The following SLC38A4 variants were observed in gnomAD, a reference collection of about 807,000 sequenced individuals.
The protein encoded by SLC38A4 is solute carrier family 38 member 4, also known as sodium-coupled neutral amino acid transporter 4.
Under a neutral mutation model 63.1 loss-of-function variants are expected in SLC38A4, and 20 were observed. The observed-to-expected ratio is 0.32, with a 90% confidence interval of 0.22 to 0.46. SLC38A4 has a LOEUF of 0.46. SLC38A4 is among the 20% of genes least tolerant of loss of function. The pLI is 1.00. For missense variants in SLC38A4, 526 were observed against 663.6 expected (o/e 0.79, Z 2.28); for synonymous variants, 230 against 225.5 (o/e 1.02, Z -0.18).
intron 1 of SLC38A4, among the ~76,000 whole-genome samples, chr12:46,807,896 C>A (rs1395251532): frequency 2.0e-5 from 3 of 150,230 alleles, no homozygotes; most frequent in Non-Finnish European, 4.4e-5. Flanking sequence ...GTTACCCCCC[C>A]CCCCAAAGCC....
At chr12:46,786,264 G>C (rs1276120883) in intron 5 of SLC38A4, among the ~76,000 whole-genome samples, 1 of 151,990 alleles carries the variant, frequency 6.6e-6, no homozygotes, top group Non-Finnish European at 1.5e-5. Context: ...ACTTTCTCTG[G>C]CAGAAAATAC....
chr12:46,809,954 T>G (rs1032594175), intron 1 of SLC38A4, among the ~76,000 whole-genome samples: 2 of 152,060 alleles, frequency 1.3e-5, no homozygotes, highest in African/African-American at 4.8e-5. Context: ...AATGAAAATC[T>G]TTATTTAAGG....
chr12:46,773,380 G>A (rs1035234783), intron 14 of SLC38A4, among the ~76,000 whole-genome samples: 14 of 152,046 alleles, frequency 9.2e-5, no homozygotes, highest in African/African-American at 3.4e-4. Flanking sequence ...CACTTACACA[G>A]ATTATATAAA....
chr12:46,821,945 G>A (rs1042717390), intron 1 of SLC38A4, among the ~76,000 whole-genome samples: 6 of 151,900 alleles, frequency 3.9e-5, no homozygotes, highest in Non-Finnish European at 1.5e-5. Flanking sequence ...TACTATAAAC[G>A]TGATTGTTTT....
chr12:46,815,206 A>T (rs1157059561), intron 1 of SLC38A4, among the ~76,000 whole-genome samples: 1 of 147,096 alleles, frequency 6.8e-6, no homozygotes, highest in African/African-American at 2.5e-5. Flanking sequence ...ATTTTTGGGC[A>T]AAATGACTTT....
chr12:46,785,399 C>CTTT (rs113542559), intron 5 of SLC38A4, among the ~76,000 whole-genome samples: 11 of 151,952 alleles, frequency 7.2e-5, no homozygotes, highest in African/African-American at 2.7e-4. Context: ...AAGTCCCTAA[C>CTTT]TTTTTTAATG....
intron 2 of SLC38A4, among the ~76,000 whole-genome samples, chr12:46,796,839 T>A (rs1232236034): frequency 6.6e-6 from 1 of 152,026 alleles, no homozygotes; most frequent in African/African-American, 2.4e-5. Flanking sequence ...TAAACTGAGG[T>A]TCCTTGGTGG....
chr12:46,781,605 A>T (rs908406986), intron 7 of SLC38A4, among the ~76,000 whole-genome samples: 1 of 152,082 alleles, frequency 6.6e-6, no homozygotes, highest in Non-Finnish European at 1.5e-5. Flanking sequence ...ATAGAGAAAT[A>T]CAAGTGATTT....
At chr12:46,790,126 T>C (rs928647206) in intron 3 of SLC38A4, among the ~76,000 whole-genome samples, 2 of 152,046 alleles carry the variant, frequency 1.3e-5, no homozygotes, top group African/African-American at 4.8e-5. Flanking sequence ...AGAAAATAAT[T>C]ATTGTAGGAG....
chr12:46,777,001 C>T lies in SLC38A4; in HGVS notation c.1077G>A (p.Arg359=), dbSNP rs1938541411. 6.2e-7 allele frequency: 1 copy of T among 1,609,506 alleles called. No homozygotes were observed. Among genetic ancestry groups the T allele is most frequent in the Non-Finnish European group, 8.5e-7 (1 of 1,177,624 alleles). ...VLPIYSELKD[R]SRRKMQTVSN... ...ACACCGTTTGCATTTTTCTCCGGGACCGACTGGAAAAAGAAAGAACACCAA... is the reference window on the plus strand; with the variant it reads ...ACACCGTTTGCATTTTTCTCCGGGATCGACTGGAAAAAGAAAGAACACCAA... Residue 359 remains arginine (R), a synonymous_variant, in exon 13 of 17, where the codon CGG becomes CGA. Coordinates refer to ENST00000266579, the MANE Select transcript of SLC38A4 (RefSeq NM_018018.5).
intron 10 of SLC38A4, 55 bp from the exon 11 acceptor site, chr12:46,778,831 GA>G: frequency 6.5e-7 from 1 of 1,536,016 alleles, no homozygotes; most frequent in Admixed American, 1.8e-5. Flanking sequence ...AAAAAACAAT[GA>G]AATAAGAATC....
intron 14 of SLC38A4, among the ~76,000 whole-genome samples, chr12:46,773,865 G>A (rs1176563346): frequency 1.3e-5 from 2 of 152,034 alleles, no homozygotes; most frequent in Non-Finnish European, 2.9e-5. Context: ...CTACAATGAT[G>A]TGAATGCTTA....
upstream of SLC38A4, among the ~76,000 whole-genome samples, chr12:46,829,538 A>T (rs1006467179): frequency 6.6e-6 from 1 of 152,124 alleles, no homozygotes; most frequent in Admixed American, 6.5e-5. Context: ...TACATCACGA[A>T]GTCCACAAGC....
chr12:46,769,261 A>G, intron 15 of SLC38A4, 23 bp downstream of exon 15: 1 of 1,612,324 alleles, frequency 6.2e-7, no homozygotes, highest in African/African-American at 1.3e-5. Flanking sequence ...GGTTGACCAA[A>G]TTGAAGCCTT....
chr12:46,825,432 G>C (rs1939629101), intron 1 of SLC38A4, among the ~76,000 whole-genome samples: 1 of 151,892 alleles, frequency 6.6e-6, no homozygotes, highest in Non-Finnish European at 1.5e-5. Context: ...TGTTACTAAA[G>C]AATTACTAAA....
chr12:46,790,415 C>G (rs1481798141), intron 3 of SLC38A4, among the ~76,000 whole-genome samples: 1 of 152,106 alleles, frequency 6.6e-6, no homozygotes, highest in African/African-American at 2.4e-5. Flanking sequence ...CACCCCCCAC[C>G]CACTGCCCAC....
chr12:46,798,098 C>T (rs551297952), intron 2 of SLC38A4, among the ~76,000 whole-genome samples: 32 of 152,144 alleles, frequency 2.1e-4, no homozygotes, highest in Non-Finnish European at 4.3e-4. Flanking sequence ...AATTGATCTT[C>T]AATTCTCTTT....
chr12:46,774,421 T>C (rs1421096402), intron 14 of SLC38A4, among the ~76,000 whole-genome samples: 2 of 152,112 alleles, frequency 1.3e-5, no homozygotes, highest in African/African-American at 2.4e-5. Context: ...CTACCAGCTC[T>C]GCTCTGGGAT....
intron 1 of SLC38A4, among the ~76,000 whole-genome samples, chr12:46,814,494 T>A (rs897605459): frequency 2.6e-5 from 4 of 151,916 alleles, no homozygotes; most frequent in Admixed American, 1.3e-4. Context: ...TGGGTTAATC[T>A]TTTTTGTGAG....
Sources: gnomAD v4.1 joint callset for allele counts (sites outside exome capture counted in the v4.1 genomes callset) on GRCh38, gnomAD v4.1.1 for gene constraint, MANE v1.5 for transcripts, NCBI Gene and HGNC (gene_info 2026-07-23, HGNC 2026-07-21) for gene names.